The following RAB9B variants were observed in gnomAD, a reference collection of about 807,000 sequenced individuals.
RAB9B encodes RAB9B, member RAS oncogene family.
In RAB9B, 1 loss-of-function variant was observed where a neutral mutation model predicts 8.9. That is an observed-to-expected ratio of 0.11 (90% CI 0.04 to 0.53). The LOEUF (loss-of-function observed/expected upper bound fraction) is 0.53. Among genes scored for constraint, RAB9B ranks in the 20% least tolerant of loss-of-function variants. RAB9B has a pLI of 0.93. For synonymous variants in RAB9B, 63 were observed against 57.0 expected (o/e 1.10, Z -0.47); for missense variants, 82 against 152.9 (o/e 0.54, Z 2.45).
chrX:103,780,054 A>T, the RAB9B span: 1 of 113,005 alleles, frequency 8.8e-6, no homozygotes, highest in African/African-American at 3.2e-5. Context: ...TGCCAAACTT[A>T]CATCAAAAGC....
the RAB9B span, chrX:103,788,069 A>G: frequency 1.5e-5 from 10 of 645,466 alleles, no homozygotes; most frequent in African/African-American, 2.2e-4. Context: ...TGAGAAAAAT[A>G]TAAGATGATG....
the RAB9B span, among the ~76,000 whole-genome samples, chrX:103,801,434 C>CTAG: frequency 0.27 from 29,961 of 109,979 alleles, 3,118 homozygotes; most frequent in East Asian, 0.35. Flanking sequence ...GTCATTGGGC[C>CTAG]TAGCATCTGC....
the RAB9B span, chrX:103,786,634 C>A: frequency 8.3e-7 from 1 of 1,211,248 alleles, no homozygotes; most frequent in Non-Finnish European, 1.1e-6. Flanking sequence ...AACAGGGGGC[C>A]AGAAGGGGAG....
At chrX:103,827,753 A>T (rs2074688990) in intron 1 of RAB9B, among the ~76,000 whole-genome samples, 1 of 111,369 alleles carries the variant, frequency 9.0e-6, no homozygotes, top group Admixed American at 9.5e-5. Flanking sequence ...TGCAGCCTCG[A>T]CCTCCTGGGC....
chrX:103,777,080 G>A, the RAB9B span: 3 of 828,750 alleles, frequency 3.6e-6, no homozygotes, highest in African/African-American at 2.0e-5. Context: ...GGGGTTCGGG[G>A]GTTCCATGGT....
At chrX:103,790,051 G>A in the RAB9B span, among the ~76,000 whole-genome samples, 3 of 112,151 alleles carry the variant, frequency 2.7e-5, no homozygotes, top group East Asian at 2.8e-4. Flanking sequence ...TGAGCTCACA[G>A]AACTCCTGGC....
the RAB9B span, among the ~76,000 whole-genome samples, chrX:103,784,382 G>A: frequency 1.8e-5 from 2 of 111,423 alleles, no homozygotes; most frequent in Admixed American, 9.6e-5. Flanking sequence ...CTGAGGGTGG[G>A]GACATTAGCC....
At chrX:103,819,076 A>G (rs1344210210), downstream of RAB9B, among the ~76,000 whole-genome samples, 1 of 111,650 alleles carries the variant, frequency 9.0e-6, no homozygotes, top group Admixed American at 9.6e-5. Context: ...GCAGCCAGGA[A>G]CAACGTAAGA....
the RAB9B span, chrX:103,792,717 A>G: frequency 2.7e-5 from 3 of 112,593 alleles, no homozygotes; most frequent in African/African-American, 9.7e-5. Context: ...CAGCTCATCC[A>G]AGTCATTCTC....
the RAB9B span, chrX:103,786,682 C>T: frequency 3.3e-6 from 4 of 1,210,547 alleles, no homozygotes; most frequent in Non-Finnish European, 4.5e-6. Context: ...TTCTTTGGAG[C>T]GGGTGTGTCA....
chrX:103,783,396 G>A, the RAB9B span, among the ~76,000 whole-genome samples: 1 of 112,569 alleles, frequency 8.9e-6, no homozygotes, highest in Non-Finnish European at 1.9e-5. Flanking sequence ...CAATGCTTTA[G>A]TTCTTGGAAA....
rs759024554 is a variant in RAB9B, at chrX:103,825,786, T to C, written c.-2A>G. On this transcript the variant is annotated 5_prime_UTR_variant, in exon 3 of 3. Transcript: ENST00000243298. Reference sequence around the variant, plus strand: ...TAAGAGCAGGGATTTCCCACTCATTTTTGCAGCACCAGAAGGGAAGGAGTT... The same window carrying C: ...TAAGAGCAGGGATTTCCCACTCATTCTTGCAGCACCAGAAGGGAAGGAGTT... 1 of 1,167,386 alleles carries C rather than the reference T, an allele frequency of 8.6e-7. No homozygotes were observed. Among genetic ancestry groups the C allele is most frequent in the Admixed American group, 2.5e-5 (1 of 39,571 alleles).
the RAB9B span, among the ~76,000 whole-genome samples, chrX:103,816,422 A>C: frequency 8.9e-6 from 1 of 111,928 alleles, no homozygotes; most frequent in Non-Finnish European, 1.9e-5. Context: ...CCTTATACAA[A>C]AATTAATTCA....
At chrX:103,791,927 A>G in the RAB9B span, 3 of 112,261 alleles carry the variant, frequency 2.7e-5, no homozygotes, top group African/African-American at 6.5e-5. Context: ...TTACTTAGCA[A>G]TGTTATCTTG....
the RAB9B span, chrX:103,781,277 C>T: frequency 3.1e-6 from 1 of 325,223 alleles, no homozygotes; most frequent in Non-Finnish European, 6.0e-6. Context: ...GCATCAGGAT[C>T]AACACAGTCC....
intron 1 of RAB9B, among the ~76,000 whole-genome samples, chrX:103,827,373 G>T (rs2074687289): frequency 9.0e-6 from 1 of 111,586 alleles, no homozygotes; most frequent in African/African-American, 3.3e-5. Flanking sequence ...GCAAATTAAA[G>T]AAAGATGATA....
At chrX:103,828,056 A>G (rs2074690342) in intron 1 of RAB9B, among the ~76,000 whole-genome samples, 1 of 111,990 alleles carries the variant, frequency 8.9e-6, no homozygotes, top group African/African-American at 3.2e-5. Flanking sequence ...TAATTATGGC[A>G]AGAATCTTAT....
chrX:103,798,881 T>C, the RAB9B span, among the ~76,000 whole-genome samples: 2 of 108,902 alleles, frequency 1.8e-5, no homozygotes, highest in Non-Finnish European at 3.8e-5. Flanking sequence ...ATCTCGTGAT[T>C]TGCCCGCCTC....
the RAB9B span, chrX:103,791,030 T>C: frequency 1.2e-5 from 2 of 169,086 alleles, no homozygotes; most frequent in African/African-American, 6.0e-5. Flanking sequence ...AGGGGCCAAA[T>C]ATATTCTCTT....
Sources: allele counts gnomAD v4.1 joint callset (sites outside exome capture counted in the v4.1 genomes callset), GRCh38; gene constraint gnomAD v4.1.1; transcripts MANE v1.5; gene names NCBI Gene and HGNC (gene_info 2026-07-23, HGNC 2026-07-21).